Variants in OR56A3 observed in about 807,000 individuals in gnomAD.
OR56A3 encodes olfactory receptor 56A3.
A neutral mutation model predicts 17.5 loss-of-function variants in OR56A3; 23 were observed. The observed-to-expected ratio is 1.32, with a 90% CI of 0.95 to 1.87. OR56A3 has a LOEUF of 1.87. OR56A3 is among the 40% of genes most tolerant of loss of function. The pLI is 0.00. For missense variants in OR56A3, 366 were observed against 380.1 expected (o/e 0.96, Z 0.31); for synonymous variants, 175 against 150.6 (o/e 1.16, Z -1.19).
chr11:5,954,989 T>A (rs1190585071), downstream of OR56A3, among the ~76,000 whole-genome samples: 1 of 152,176 alleles, frequency 6.6e-6, no homozygotes, highest in Non-Finnish European at 1.5e-5. Context: ...AGTCTTTGAA[T>A]GAATGATAAC....
At chr11:5,955,313 C>A (rs541339272), downstream of OR56A3, among the ~76,000 whole-genome samples, 3 of 152,228 alleles carry the variant, frequency 2.0e-5, no homozygotes, top group Non-Finnish European at 2.9e-5. Context: ...AGACAAACTT[C>A]CAACACTCTA....
the OR56A3 span, among the ~76,000 whole-genome samples, chr11:5,999,246 C>G: frequency 6.6e-6 from 1 of 152,002 alleles, no homozygotes; most frequent in Non-Finnish European, 1.5e-5. Flanking sequence ...ACCTTAATGC[C>G]CCAAGGTAAA....
intron 2 of OR56A3, among the ~76,000 whole-genome samples, chr11:5,945,579 TAAAAA>T (rs3082300): frequency 0.25 from 29,197 of 114,506 alleles, 3,046 homozygotes; most frequent in Admixed American, 0.3. Flanking sequence ...AGACCCCATA[TAAAAA>T]AAAAAAAAAA....
chr11:5,945,343 G>A (rs1260507502), intron 2 of OR56A3, among the ~76,000 whole-genome samples: 1 of 152,104 alleles, frequency 6.6e-6, no homozygotes, highest in Non-Finnish European at 1.5e-5. Flanking sequence ...GGGAGGCTGA[G>A]GTGGGTGGAT....
the OR56A3 span, chr11:6,003,181 T>C: frequency 1.1e-5 from 16 of 1,408,156 alleles, no homozygotes; most frequent in African/African-American, 2.0e-4. Context: ...ATGTATCATA[T>C]GCCAGCCACA....
At chr11:5,967,961 C>A in the OR56A3 span, 1 of 1,593,946 alleles carries the variant, frequency 6.3e-7, no homozygotes, top group Non-Finnish European at 8.6e-7. Context: ...AGATGCAGTT[C>A]TTGATGATGT....
chr11:6,013,095 C>G, the OR56A3 span, among the ~76,000 whole-genome samples: 1 of 152,212 alleles, frequency 6.6e-6, no homozygotes, highest in African/African-American at 2.4e-5. Flanking sequence ...GTGTGGGACT[C>G]CTGCCCAAGA....
downstream of OR56A3, among the ~76,000 whole-genome samples, chr11:5,952,092 C>T (rs1482226349): frequency 6.6e-6 from 1 of 152,150 alleles, no homozygotes; most frequent in Non-Finnish European, 1.5e-5. Context: ...CAACTGCAAA[C>T]ATAATGCATA....
At chr11:5,966,819 G>A in the OR56A3 span, among the ~76,000 whole-genome samples, 3 of 151,746 alleles carry the variant, frequency 2.0e-5, no homozygotes, top group Admixed American at 6.6e-5. Context: ...TGATGGAAAA[G>A]TCAGGTAGGA....
the OR56A3 span, among the ~76,000 whole-genome samples, chr11:6,009,901 C>A: frequency 6.6e-6 from 1 of 152,066 alleles, no homozygotes; most frequent in Non-Finnish European, 1.5e-5. Flanking sequence ...TATCTTTTAA[C>A]CTCTATTTCC....
At position 5,951,094 on chromosome 11, in the gene OR56A3, G is replaced by C. The variant is rs1266761457; in HGVS notation, c.*2800G>C. On this transcript the variant is annotated 3_prime_UTR_variant, in exon 3 of 3. Coordinates refer to ENST00000641160, the MANE Select transcript of OR56A3 (RefSeq NM_001003443.3). ...TGAGTGCTAAATCTTGGAAACCAAG[G>C]TGAGAAGATTTATTTTTAAAAGAAG... 3 of 151,986 alleles carry C rather than the reference G, an allele frequency of 2.0e-5. No homozygotes were observed. Among genetic ancestry groups the C allele is most frequent in the Non-Finnish European group, 4.4e-5 (3 of 67,952 alleles). The allele number at this position is 151,986 out of a possible 1,614,324, so 9.4% of individuals were successfully genotyped here.
the OR56A3 span, chr11:6,006,861 C>T: frequency 0.21 from 31,833 of 152,398 alleles, 3,656 homozygotes; most frequent in African/African-American, 0.3. Flanking sequence ...TGGATTCCCC[C>T]TCCACTCATC....
chr11:6,007,406 T>C, the OR56A3 span, among the ~76,000 whole-genome samples: 1 of 152,152 alleles, frequency 6.6e-6, no homozygotes, highest in Admixed American at 6.5e-5. Context: ...ATGGGAATAA[T>C]ATTTTATCAT....
the OR56A3 span, among the ~76,000 whole-genome samples, chr11:5,988,515 C>A: frequency 6.3e-3 from 964 of 152,278 alleles, 5 homozygotes; most frequent in Non-Finnish European, 7.1e-3. Context: ...TAACTAACAT[C>A]AATCTTACAG....
the OR56A3 span, among the ~76,000 whole-genome samples, chr11:6,013,312 C>T: frequency 5.3e-5 from 8 of 152,338 alleles, no homozygotes; most frequent in East Asian, 1.9e-4. Flanking sequence ...CACAAGCTCC[C>T]GCTGTGATCC....
the OR56A3 span, chr11:6,003,115 G>C: frequency 1.3e-6 from 2 of 1,589,914 alleles, no homozygotes; most frequent in African/African-American, 2.7e-5. Flanking sequence ...CCCTGTATCT[G>C]TCCCAATAAA....
the OR56A3 span, among the ~76,000 whole-genome samples, chr11:5,973,819 C>A: frequency 3.9e-5 from 6 of 152,154 alleles, no homozygotes; most frequent in Non-Finnish European, 7.3e-5. Flanking sequence ...ATAGTAGCCA[C>A]CTGAAGGAGA....
chr11:5,946,071 A>C (rs1433667847), intron 2 of OR56A3, among the ~76,000 whole-genome samples: 2 of 152,192 alleles, frequency 1.3e-5, no homozygotes, highest in Admixed American at 1.3e-4. Context: ...GACCTGACCT[A>C]CACCCTTGCC....
chr11:5,990,960 C>G, the OR56A3 span, among the ~76,000 whole-genome samples: 1 of 152,118 alleles, frequency 6.6e-6, no homozygotes, highest in Non-Finnish European at 1.5e-5. Context: ...CCACTACAGC[C>G]CTCCCTGCTT....
Sources: gnomAD v4.1 joint callset for allele counts (sites outside exome capture counted in the v4.1 genomes callset) on GRCh38, gnomAD v4.1.1 for gene constraint, MANE v1.5 for transcripts, NCBI Gene and HGNC (gene_info 2026-07-23, HGNC 2026-07-21) for gene names.